PCSK5: variants seen among roughly 807,000 people sequenced by gnomAD.
PCSK5 encodes the protein prohormone convertase 5.
PCSK5 carries 129 observed loss-of-function variants against 233.2 expected under a neutral mutation model. That is an observed-to-expected ratio of 0.55 (90% CI 0.48 to 0.64). The LOEUF is 0.64. Among genes scored for constraint, PCSK5 ranks in the 30% least tolerant of loss-of-function variants. The pLI is 0.00. For synonymous variants in PCSK5, 825 were observed against 879.2 expected, an observed-to-expected ratio of 0.94 and a Z score of 1.09; for missense variants, 2,076 against 2,430.1, an observed-to-expected ratio of 0.85 and a Z score of 3.06.
At chr9:75,897,624 A>G (rs1217639985) in intron 1 of PCSK5, among the ~76,000 whole-genome samples, 4 of 151,286 alleles carry the variant, frequency 2.6e-5, no homozygotes, top group African/African-American at 9.7e-5. Context: ...CTCCCTAGGA[A>G]CTGGGATTAC....
At chr9:76,072,353 C>T (rs1428257504) in intron 7 of PCSK5, among the ~76,000 whole-genome samples, 1 of 152,144 alleles carries the variant, frequency 6.6e-6, no homozygotes, top group African/African-American at 2.4e-5. Context: ...AGCTCCTGAT[C>T]GCTACAACCA....
intron 10 of PCSK5, among the ~76,000 whole-genome samples, chr9:76,142,646 T>C (rs539772155): frequency 1.3e-5 from 2 of 152,346 alleles, no homozygotes; most frequent in African/African-American, 2.4e-5. Context: ...CAGTTAATAA[T>C]TCTGTTCAGA....
intron 5 of PCSK5, among the ~76,000 whole-genome samples, chr9:76,049,704 C>T (rs1452422614): frequency 2.6e-5 from 4 of 152,194 alleles, no homozygotes; most frequent in African/African-American, 9.6e-5. Flanking sequence ...ACCTGTATTT[C>T]AGTCAAACAG....
rs577344061 is a variant in PCSK5 at position 76,331,877 on chromosome 9, T to G, written c.4571-556T>G. 2.6e-5 allele frequency among the ~76,000 whole-genome samples: 4 copies of G among 152,282 alleles called. No homozygotes were observed. In the South Asian group the frequency reaches 8.3e-4, roughly 32 times the overall value. On this transcript the variant is annotated intron_variant, in intron 33 of 37. Coordinates refer to ENST00000674117, the MANE Select transcript of PCSK5 (RefSeq NM_001372043.1). ...AGAGCCTCTAAAAGGAACAGAGCCCTGTGGATCTATTTTGGACTTCTGACC... is the reference window on the plus strand; with the variant it reads ...AGAGCCTCTAAAAGGAACAGAGCCCGGTGGATCTATTTTGGACTTCTGACC...
intron 24 of PCSK5, among the ~76,000 whole-genome samples, chr9:76,282,802 G>A (rs145486609): frequency 3.0e-4 from 46 of 152,218 alleles, no homozygotes; most frequent in African/African-American, 1.1e-3. Flanking sequence ...CCCAGTGTCT[G>A]TTCTCGTCTT....
In PCSK5 at chr9:76,295,385, G is replaced by A; in HGVS notation, c.3296G>A (p.Trp1099Ter). The A allele has an allele frequency of 6.2e-7, 1 of 1,612,432 alleles. No individual in the cohort carries two copies. Among genetic ancestry groups the A allele is most frequent in the Non-Finnish European group, 8.5e-7 (1 of 1,179,678 alleles). Residue 1099 changes from tryptophan to a stop codon, truncating the protein, a stop_gained, in exon 26 of 38, where the codon TGG becomes TAG. Transcript: ENST00000674117. LOFTEE classifies it high-confidence loss of function. ...CGSCDQNGCY[W>*]CEEGFFLLGG... is the part of the protein sequence containing the mutation. ...AGCTGTGACCAGAATGGGTGTTACT[G>A]GTGTGAAGAGGGCTTCTTTCTCTTA... is the stretch of plus-strand genomic sequence containing the variant.
chr9:76,078,623 C>G (rs1830724125), intron 7 of PCSK5, among the ~76,000 whole-genome samples: 1 of 152,152 alleles, frequency 6.6e-6, no homozygotes, highest in Non-Finnish European at 1.5e-5. Context: ...TGTTGAAAAT[C>G]AGATTGCTGT....
At chr9:75,961,224 G>A (rs906452490) in intron 2 of PCSK5, among the ~76,000 whole-genome samples, 3 of 152,174 alleles carry the variant, frequency 2.0e-5, no homozygotes, top group Non-Finnish European at 4.4e-5. Context: ...CCAGCCCCTG[G>A]GGCTGGTGCA....
chr9:76,193,062 C>T (rs957323858), intron 20 of PCSK5, among the ~76,000 whole-genome samples: 6 of 151,458 alleles, frequency 4.0e-5, no homozygotes, highest in Admixed American at 1.3e-4. Flanking sequence ...AAAAACAATG[C>T]GGTTGACTGA....
At chr9:76,110,131 T>A (rs996122957) in intron 9 of PCSK5, among the ~76,000 whole-genome samples, 5 of 152,184 alleles carry the variant, frequency 3.3e-5, no homozygotes, top group African/African-American at 1.2e-4. Flanking sequence ...AGGAGCAAGA[T>A]CTACAAGATA....
chr9:76,196,789 A>C (rs1319096059), intron 20 of PCSK5, among the ~76,000 whole-genome samples: 1 of 152,224 alleles, frequency 6.6e-6, no homozygotes, highest in Non-Finnish European at 1.5e-5. Context: ...AGGTGAATGT[A>C]TTATCCTCCA....
intron 5 of PCSK5, among the ~76,000 whole-genome samples, chr9:76,034,523 C>G (rs1828775669): frequency 6.6e-6 from 1 of 152,104 alleles, no homozygotes; most frequent in South Asian, 2.1e-4. Context: ...TCCTCCTCCT[C>G]CATTCGTCAG....
At chr9:76,095,782 G>A in intron 7 of PCSK5, 108 bp from the exon 8 acceptor site, 1 of 922,358 alleles carries the variant, frequency 1.1e-6, no homozygotes, top group Non-Finnish European at 1.7e-6. Context: ...AGCATATTAA[G>A]ATAGCAACAC....
chr9:76,247,449 C>T (rs1359176759), intron 24 of PCSK5, among the ~76,000 whole-genome samples: 1 of 152,114 alleles, frequency 6.6e-6, no homozygotes, highest in African/African-American at 2.4e-5. Context: ...AGATGATTGG[C>T]TATTTCTTTA....
intron 37 of PCSK5, among the ~76,000 whole-genome samples, chr9:76,356,638 C>A (rs1830310486): frequency 6.6e-6 from 1 of 152,102 alleles, no homozygotes; most frequent in South Asian, 2.1e-4. Context: ...AGGGCTGTTA[C>A]TTTAGAAGAA....
chr9:76,292,144 T>C, intron 24 of PCSK5, 89 bp from the exon 25 acceptor site: 1 of 772,848 alleles, frequency 1.3e-6, no homozygotes, highest in Non-Finnish European at 2.3e-6. Context: ...CCCACAGGAT[T>C]GTTTATCTCA....
At chr9:75,928,625 ATATATATATATAT>A (rs1378771373) in intron 1 of PCSK5, among the ~76,000 whole-genome samples, 9 of 115,210 alleles carry the variant, frequency 7.8e-5, no homozygotes, top group African/African-American at 3.4e-4. Context: ...ATATATATAT[ATATATATATATAT>A]AATCCTAGAA....
At chr9:76,126,842 C>T (rs1014289556) in intron 9 of PCSK5, among the ~76,000 whole-genome samples, 1 of 152,098 alleles carries the variant, frequency 6.6e-6, no homozygotes, top group African/African-American at 2.4e-5. Context: ...GTACAGCATA[C>T]TTTATTTGGG....
chr9:76,056,993 G>A (rs1304966476), intron 5 of PCSK5, among the ~76,000 whole-genome samples: 3 of 152,092 alleles, frequency 2.0e-5, no homozygotes, highest in African/African-American at 7.2e-5. Flanking sequence ...ATTCCAATGA[G>A]TATTTATTAC....
Sources: allele counts gnomAD v4.1 joint callset (sites outside exome capture counted in the v4.1 genomes callset), GRCh38; gene constraint gnomAD v4.1.1; transcripts MANE v1.5; gene names NCBI Gene and HGNC (gene_info 2026-07-23, HGNC 2026-07-21).